The following DENND5B variants were observed in gnomAD, a reference collection of about 807,000 sequenced individuals.
The protein encoded by DENND5B is DENN domain containing 5B.
A neutral mutation model predicts 140.6 loss-of-function variants in DENND5B; 34 were observed. That is an observed-to-expected ratio of 0.24 (90% CI 0.18 to 0.32). DENND5B has a LOEUF of 0.32. Ranked by LOEUF, DENND5B falls within the 10% of genes least tolerant of loss-of-function variation. The pLI is 1.00. For synonymous variants in DENND5B, 551 were observed against 562.1 expected (o/e 0.98, Z 0.28); for missense variants, 1,142 against 1,560.2 (o/e 0.73, Z 4.52).
intron 13 of DENND5B, among the ~76,000 whole-genome samples, chr12:31,410,197 T>C (rs1358059090): frequency 6.6e-6 from 1 of 152,110 alleles, no homozygotes; most frequent in Non-Finnish European, 1.5e-5. Context: ...AGGAAAGCAA[T>C]TCAGGTAACA....
chr12:31,528,262 C>A (rs182164872), intron 1 of DENND5B, among the ~76,000 whole-genome samples: 1 of 152,152 alleles, frequency 6.6e-6, no homozygotes, highest in Non-Finnish European at 1.5e-5. Context: ...GGTTGCTATG[C>A]GCATTCTTTG....
In DENND5B at chr12:31,387,601, G is replaced by T; in HGVS notation, c.*2C>A. ...TGGACTGAGAGTTTCTAGCCAGTTG[G>T]GTTACACATCCACTCCTTTGATGAG... is the stretch of plus-strand genomic sequence containing the variant. On this transcript the variant is annotated 3_prime_UTR_variant, in exon 21 of 21. Transcript: ENST00000389082. The T allele has an allele frequency of 6.2e-7, 1 of 1,612,206 alleles. No individual in the cohort carries two copies. The highest frequency in any genetic ancestry group is 8.5e-7 in the Non-Finnish European group (1 of 1,178,612).
intron 2 of DENND5B, among the ~76,000 whole-genome samples, chr12:31,484,007 C>T (rs1946190402): frequency 2.0e-5 from 3 of 151,754 alleles, no homozygotes; most frequent in African/African-American, 7.3e-5. Flanking sequence ...GCCTGCACCA[C>T]CATGCCCAGC....
At chr12:31,440,886 C>A (rs1316758866) in intron 7 of DENND5B, among the ~76,000 whole-genome samples, 1 of 152,170 alleles carries the variant, frequency 6.6e-6, no homozygotes, top group Non-Finnish European at 1.5e-5. Flanking sequence ...CAGGCATGCA[C>A]CACCACACCC....
intron 7 of DENND5B, among the ~76,000 whole-genome samples, chr12:31,435,506 G>C (rs1943704787): frequency 6.6e-6 from 1 of 151,918 alleles, no homozygotes; most frequent in Admixed American, 6.6e-5. Flanking sequence ...TCTCCCTCGT[G>C]GCCCTCTGTA....
chr12:31,501,773 C>CAAAA (rs10645598), intron 1 of DENND5B, among the ~76,000 whole-genome samples: 2 of 119,132 alleles, frequency 1.7e-5, no homozygotes, highest in African/African-American at 3.2e-5. Context: ...AACTCCATCT[C>CAAAA]AAAAAAAAAA....
intron 13 of DENND5B, 92 bp from the exon 14 acceptor site, chr12:31,409,476 T>G: frequency 6.2e-6 from 1 of 162,166 alleles, no homozygotes; most frequent in Non-Finnish European, 7.3e-6. Flanking sequence ...CATTATGTCT[T>G]TTTTTTTTTT....
At chr12:31,499,341 T>C (rs117535552) in intron 1 of DENND5B, among the ~76,000 whole-genome samples, 3,120 of 152,308 alleles carry the variant, frequency 0.02, 56 homozygotes, top group South Asian at 0.052. Flanking sequence ...TCCTACTAAA[T>C]TGAAGCTGCA....
intron 1 of DENND5B, among the ~76,000 whole-genome samples, chr12:31,568,805 T>C (rs887735113): frequency 2.0e-5 from 3 of 152,180 alleles, no homozygotes; most frequent in Admixed American, 1.3e-4. Flanking sequence ...TATCTCCTCT[T>C]TGACCTATAA....
At chr12:31,426,937 G>T (rs1447712336) in intron 8 of DENND5B, among the ~76,000 whole-genome samples, 1 of 152,100 alleles carries the variant, frequency 6.6e-6, no homozygotes, top group Non-Finnish European at 1.5e-5. Context: ...AGGAGCTTTC[G>T]AATCTGGTTG....
At chr12:31,388,378 A>T (rs1347834878) in intron 20 of DENND5B, among the ~76,000 whole-genome samples, 1 of 152,154 alleles carries the variant, frequency 6.6e-6, no homozygotes, top group Non-Finnish European at 1.5e-5. Context: ...GGAGATAAAG[A>T]TCATGCTCAA....
chr12:31,588,717 G>A (rs1165968346), intron 1 of DENND5B, among the ~76,000 whole-genome samples: 2 of 152,192 alleles, frequency 1.3e-5, no homozygotes, highest in African/African-American at 2.4e-5. Context: ...CATGGTTACG[G>A]AGAGATGATT....
chr12:31,537,251 C>T (rs1034149112), intron 1 of DENND5B, among the ~76,000 whole-genome samples: 1 of 152,082 alleles, frequency 6.6e-6, no homozygotes, highest in African/African-American at 2.4e-5. Context: ...AAAATAACTA[C>T]AACAACTTTT....
chr12:31,469,521 A>G (rs771149403), intron 3 of DENND5B, among the ~76,000 whole-genome samples: 5 of 152,156 alleles, frequency 3.3e-5, no homozygotes, highest in Admixed American at 2.6e-4. Context: ...CCAGTTAGCA[A>G]TAAGTAAAGT....
At chr12:31,405,657 C>T (rs1312756519) in intron 14 of DENND5B, among the ~76,000 whole-genome samples, 1 of 151,954 alleles carries the variant, frequency 6.6e-6, no homozygotes, top group Admixed American at 6.6e-5. Flanking sequence ...AAGTGATTCT[C>T]CTGCCTTAGC....
At chr12:31,435,389 T>A (rs1943699336) in intron 7 of DENND5B, among the ~76,000 whole-genome samples, 1 of 152,166 alleles carries the variant, frequency 6.6e-6, no homozygotes, top group African/African-American at 2.4e-5. Context: ...TCCACTTGCA[T>A]CCTTGACCAA....
At chr12:31,396,874 G>A (rs765231084) in intron 17 of DENND5B, among the ~76,000 whole-genome samples, 5 of 151,980 alleles carry the variant, frequency 3.3e-5, no homozygotes, top group African/African-American at 7.3e-5. Flanking sequence ...TGCCCACTTC[G>A]GCCTCCCAAA....
intron 1 of DENND5B, among the ~76,000 whole-genome samples, chr12:31,549,615 G>A (rs894608732): frequency 1.3e-5 from 2 of 151,908 alleles, no homozygotes; most frequent in African/African-American, 4.8e-5. Context: ...TGTGTGCCAT[G>A]GTGGTTTGCT....
chr12:31,514,007 T>A (rs781737606), intron 1 of DENND5B, among the ~76,000 whole-genome samples: 1 of 152,010 alleles, frequency 6.6e-6, no homozygotes, highest in Non-Finnish European at 1.5e-5. Flanking sequence ...CTGGCTAATC[T>A]TCTTTAAAAT....
Sources: gnomAD v4.1 joint callset for allele counts (sites outside exome capture counted in the v4.1 genomes callset) on GRCh38, gnomAD v4.1.1 for gene constraint, MANE v1.5 for transcripts, NCBI Gene and HGNC (gene_info 2026-07-23, HGNC 2026-07-21) for gene names.